The following GRID2IP variants were observed in gnomAD, a reference collection of about 807,000 sequenced individuals.
GRID2IP encodes the protein Grid2 interacting protein, also known as delphilin.
A neutral mutation model predicts 114.3 loss-of-function variants in GRID2IP; 78 were observed. That is an observed-to-expected ratio of 0.68 (90% CI 0.57 to 0.82). The LOEUF (loss-of-function observed/expected upper bound fraction) is 0.82, where lower values mean the gene tolerates loss of function less well. GRID2IP is among the 40% of genes least tolerant of loss of function. The pLI is 0.00. For synonymous variants in GRID2IP, 809 were observed against 724.0 expected, an observed-to-expected ratio of 1.12 and a Z score of -1.89; for missense variants, 1,727 against 1,678.5, an observed-to-expected ratio of 1.03 and a Z score of -0.51.
Position 6,506,009 on chromosome 7 carries a change from A to G in GRID2IP, c.2545-102T>C, listed in dbSNP as rs149464655. 4 of 731,196 alleles carry G rather than the reference A, an allele frequency of 5.5e-6. No homozygotes were observed. The Admixed American group carries it at 9.4e-5, about 17-fold the overall frequency. The allele number at this position is 731,196 out of a possible 1,614,324, so 45.3% of individuals were successfully genotyped here. A position where few individuals can be genotyped will look rare whatever the true frequency, so the allele number is the denominator to read the frequency against. On this transcript the variant is annotated intron_variant, in intron 13 of 21. Coordinates refer to ENST00000457091, the MANE Select transcript of GRID2IP (RefSeq NM_001145118.2). This position sits in a 1 kb window ranked among gnomAD's most constrained non-coding sequence, Gnocchi z 5.2. ...GGGCTGCCATAGGGGCTTCCCGAGCAAAAGCACCCATCAGGTGCTGGGATA... is the reference window on the plus strand; with the variant it reads ...GGGCTGCCATAGGGGCTTCCCGAGCGAAAGCACCCATCAGGTGCTGGGATA...
Position 6,521,932 on chromosome 7 carries a change from G to A in GRID2IP, c.945C>T (p.Leu315=). The A allele has an allele frequency of 6.4e-7, 1 of 1,551,560 alleles. No individual in the cohort carries two copies. Among genetic ancestry groups the A allele is most frequent in the Non-Finnish European group, 8.7e-7 (1 of 1,146,898 alleles). ...GGAAGAGGATCCGGTCACCTGACTT[G>A]AGGGCAGCATTGTCAGCTGGGCTCC... ...LPGSPADNAA[L]KSGDRILFLN... The change falls in exon 5 of 22, where the codon CTC becomes CTT. Residue 315 remains leucine (L), a synonymous_variant. Transcript: ENST00000457091. This position sits in a 1 kb window ranked among gnomAD's most constrained non-coding sequence, Gnocchi z 4.1.
intron 7 of GRID2IP, among the ~76,000 whole-genome samples, chr7:6,514,781 G>A (rs1227908758): frequency 2.0e-5 from 3 of 151,670 alleles, no homozygotes; most frequent in African/African-American, 2.4e-5. Context: ...GTGAAAGGCC[G>A]TCTCTACTGA....
In GRID2IP at chr7:6,509,893, G is replaced by A. The variant is rs1013749934; in HGVS notation, c.1771+390C>T. Among the ~76,000 whole-genome samples, 14 of 152,104 alleles carry A rather than the reference G, an allele frequency of 9.2e-5. No homozygotes were observed. The highest frequency in any genetic ancestry group is 1.8e-4 in the Non-Finnish European group (12 of 68,016). On this transcript the variant is annotated intron_variant, in intron 11 of 21. Transcript: ENST00000457091. The surrounding 1 kb of genome is among the most constrained non-coding windows in gnomAD (Gnocchi z 4.9). ...CTTATAGGCTAGAGTGCAGTGGTTC[G>A]AAATAGCTCACTGCAGCCTTGAACT... is the stretch of plus-strand genomic sequence containing the variant.
chr7:6,542,308 A>AG (rs1432980296), intron 1 of GRID2IP, among the ~76,000 whole-genome samples: 3 of 108,072 alleles, frequency 2.8e-5, no homozygotes, highest in Middle Eastern at 4.2e-3. Context: ...CTCCATCTCA[A>AG]AAAAAAAAAA....
At chr7:6,540,293 G>C (rs1040804101) in intron 1 of GRID2IP, among the ~76,000 whole-genome samples, 4 of 150,758 alleles carry the variant, frequency 2.7e-5, no homozygotes, top group African/African-American at 9.8e-5. Flanking sequence ...TGTATTTTTA[G>C]TACAGACAGG....
At position 6,539,727 on chromosome 7, in the gene GRID2IP, T is replaced by C. The variant is rs1025178052; in HGVS notation, c.575A>G (p.Asp192Gly). The change falls in exon 2 of 22, where the codon GAC becomes GGC. Residue 192 changes from aspartate to glycine, a missense_variant. Coordinates refer to ENST00000457091, the MANE Select transcript of GRID2IP (RefSeq NM_001145118.2). ...CCCCTGCCCGCAGTACCTGAGGTTG[T>C]CCAGGAGTGGCCCGCAGGCCTCTCG... ...LPREACGPLL[D>G]NLRIFIPKKH... The C allele has an allele frequency of 2.6e-6, 4 of 1,549,004 alleles. No homozygotes were observed. In the East Asian group the frequency reaches 9.8e-5, roughly 38 times the overall value.
At chr7:6,515,200 G>A (rs553937393) in intron 7 of GRID2IP, among the ~76,000 whole-genome samples, 3 of 152,222 alleles carry the variant, frequency 2.0e-5, no homozygotes, top group South Asian at 2.1e-4. Flanking sequence ...GGCGGCTCAC[G>A]CCTGTAATCC....
intron 1 of GRID2IP, among the ~76,000 whole-genome samples, chr7:6,545,873 G>A (rs1779880464): frequency 6.6e-6 from 1 of 152,118 alleles, no homozygotes. Context: ...CCGTGCTGGG[G>A]AAGGTTGCCA....
chr7:6,533,859 C>T (rs1447862104), intron 2 of GRID2IP, among the ~76,000 whole-genome samples: 5 of 150,560 alleles, frequency 3.3e-5, no homozygotes, highest in East Asian at 2.0e-4. Context: ...CTATGCTGCC[C>T]GGACTGGTCT....
intron 1 of GRID2IP, among the ~76,000 whole-genome samples, chr7:6,545,714 G>A (rs143385472): frequency 0.015 from 2,276 of 152,266 alleles, 61 homozygotes; most frequent in African/African-American, 0.052. Flanking sequence ...ACAGCGCCTG[G>A]CACATATTAG....
chr7:6,529,891 C>G (rs759258729), intron 2 of GRID2IP, among the ~76,000 whole-genome samples: 10 of 152,020 alleles, frequency 6.6e-5, no homozygotes, highest in Non-Finnish European at 1.5e-4. Flanking sequence ...TAAATCCAAC[C>G]CCAAGTTCCT....
Position 6,526,848 on chromosome 7 carries a change from C to T in GRID2IP, c.585-79G>A. 2 of 1,370,426 alleles carry T rather than the reference C, an allele frequency of 1.5e-6. No individual in the cohort carries two copies. Among genetic ancestry groups the T allele is most frequent in the Non-Finnish European group, 1.9e-6 (2 of 1,058,562 alleles). 84.9% of individuals were successfully genotyped at this position (1,370,426 alleles called of 1,614,324 possible). ...AAACCGCGGCCCGAAGGCGCGTCCT[C>T]GCGGGCGCCGCCCTAGGCTCTCCCA... On this transcript the variant is annotated intron_variant, in intron 2 of 21. Coordinates refer to ENST00000457091, the MANE Select transcript of GRID2IP (RefSeq NM_001145118.2). This position sits in a 1 kb window ranked among gnomAD's most constrained non-coding sequence, Gnocchi z 7.6.
At chr7:6,549,549 T>C (rs1779936587) in intron 1 of GRID2IP, among the ~76,000 whole-genome samples, 1 of 152,238 alleles carries the variant, frequency 6.6e-6, no homozygotes, top group South Asian at 2.1e-4. Flanking sequence ...CAGGCCGCTG[T>C]GCAAGGGCAG....
chr7:6,510,162 A>G (rs754715626), intron 11 of GRID2IP, 121 bp downstream of exon 11: 14 of 607,858 alleles, frequency 2.3e-5, no homozygotes, highest in African/African-American at 7.7e-5. Context: ...GGTGAGGGTC[A>G]CAGGGCCATG....
Position 6,521,510 on chromosome 7 carries a change from C to A in GRID2IP, c.1003G>T (p.Asp335Tyr). Residue 335 changes from aspartate (D) to tyrosine (Y), a missense_variant, in exon 6 of 22, where the codon GAC becomes TAC. By Grantham distance (160) the Asp-to-Tyr change is radical. Coordinates refer to ENST00000457091, the MANE Select transcript of GRID2IP (RefSeq NM_001145118.2). This position sits in a 1 kb window ranked among gnomAD's most constrained non-coding sequence, Gnocchi z 4.1. The stretch of plus-strand genomic sequence containing the variant: ...CCCTGCAGCATGGACACCACCTTGT[C>A]GTGGGAGCAGTTCCTGCCAAGCAGA... ...NGLDMRNCSHDKVVSMLQGSG... is the reference protein window; with the variant it reads ...NGLDMRNCSHYKVVSMLQGSG... 6.5e-7 allele frequency: 1 copy of A among 1,547,550 alleles called. No homozygotes were observed. The highest frequency in any genetic ancestry group is 1.2e-5 in the South Asian group (1 of 83,494).
Position 6,528,239 on chromosome 7 carries a change from C to T in GRID2IP, c.585-1470G>A, listed in dbSNP as rs531828591. Among the ~76,000 whole-genome samples, 169 of 152,230 alleles carry T rather than the reference C, an allele frequency of 1.1e-3. 1 individual carries two copies. The highest frequency in any genetic ancestry group is 3.9e-3 in the African/African-American group (160 of 41,532). On this transcript the variant is annotated intron_variant, in intron 2 of 21. Coordinates refer to ENST00000457091, the MANE Select transcript of GRID2IP (RefSeq NM_001145118.2). This position sits in a 1 kb window ranked among gnomAD's most constrained non-coding sequence, Gnocchi z 6.0. Reference sequence around the variant, plus strand: ...GTTATGTCTATAGTTCAATCCTGAGCCACAGTGACTAGCCAGGGCTCAGCA... The same window carrying T: ...GTTATGTCTATAGTTCAATCCTGAGTCACAGTGACTAGCCAGGGCTCAGCA...
At position 6,510,890 on chromosome 7, in the gene GRID2IP, C is replaced by T. The variant is rs138354486; in HGVS notation, c.1555+18G>A. On this transcript the variant is annotated intron_variant, in intron 9 of 21. Transcript: ENST00000457091. Reference sequence around the variant, plus strand: ...AAACTGAGCTCCATTCATACCCTCCCCCTGACACCAGCCTTACCGCAGCTG... The same window carrying T: ...AAACTGAGCTCCATTCATACCCTCCTCCTGACACCAGCCTTACCGCAGCTG... The T allele has an allele frequency of 3.9e-6, 6 of 1,549,680 alleles. No homozygotes were observed. The East Asian group carries it at 1.5e-4, about 38-fold the overall frequency.
Position 6,508,295 on chromosome 7 carries a change from A to G in GRID2IP, c.2234T>C (p.Ile745Thr), listed in dbSNP as rs1477146608. The change falls in exon 13 of 22, where the codon ATC becomes ACC. Residue 745 changes from isoleucine (I) to threonine (T), a missense_variant. Ile to Thr is a moderately conservative substitution (Grantham distance 89, BLOSUM62 -1). Transcript: ENST00000457091. The surrounding 1 kb of genome is among the most constrained non-coding windows in gnomAD (Gnocchi z 5.6). ...CGGGGGTGGGGGGATGTGGTCAGAG[A>G]TGGAGGAGTAGGTCAGGGAGCTGCC... ...EEGSSLTYSS[I>T]SDHIPPPPLS... The G allele has an allele frequency of 1.9e-6, 3 of 1,549,232 alleles. No homozygotes were observed. The highest frequency in any genetic ancestry group is 1.4e-5 in the African/African-American group (1 of 72,944).
At chr7:6,515,418 G>A (rs1010155635) in intron 7 of GRID2IP, among the ~76,000 whole-genome samples, 2 of 151,858 alleles carry the variant, frequency 1.3e-5, no homozygotes, top group African/African-American at 2.4e-5. Flanking sequence ...CTGAGATTGC[G>A]CCACTGCACT....
Sources: gnomAD v4.1 joint callset for allele counts (sites outside exome capture counted in the v4.1 genomes callset) on GRCh38, gnomAD v4.1.1 for gene constraint, Gnocchi (gnomAD v3.1) non-coding constraint, MANE v1.5 for transcripts, NCBI Gene and HGNC (gene_info 2026-07-23, HGNC 2026-07-21) for gene names.